PCDHGA5: variants seen among roughly 807,000 people sequenced by gnomAD.
PCDHGA5 encodes the protein protocadherin gamma subfamily A, 5.
A neutral mutation model predicts 56.7 loss-of-function variants in PCDHGA5; 36 were observed. The observed-to-expected ratio is 0.64, with a 90% CI of 0.49 to 0.84. PCDHGA5 has a LOEUF of 0.84. PCDHGA5 is among the 40% of genes least tolerant of loss of function. The pLI, the probability that PCDHGA5 is intolerant of heterozygous loss-of-function variation, is 0.00. For missense variants in PCDHGA5, 1,305 were observed against 1,201.5 expected, an observed-to-expected ratio of 1.09 and a Z score of -1.27; for synonymous variants, 563 against 520.2, an observed-to-expected ratio of 1.08 and a Z score of -1.12.
At chr5:141,446,767 G>A (rs891355909) in intron 1 of PCDHGA5, among the ~76,000 whole-genome samples, 12 of 152,118 alleles carry the variant, frequency 7.9e-5, no homozygotes, top group Non-Finnish European at 1.2e-4. Flanking sequence ...GCGCCCAGCC[G>A]GTTACCATTC....
intron 1 of PCDHGA5, chr5:141,417,543 C>T: frequency 6.5e-6 from 2 of 307,994 alleles, no homozygotes; most frequent in Non-Finnish European, 1.2e-5. Flanking sequence ...AAAAAAAATT[C>T]CTTGAAAGAG....
At chr5:141,389,069 T>A in intron 1 of PCDHGA5, 1 of 1,614,016 alleles carries the variant, frequency 6.2e-7, no homozygotes, top group Non-Finnish European at 8.5e-7. Flanking sequence ...TATTAACTTC[T>A]TCAAGAAACA....
In PCDHGA5 at chr5:141,487,743, G is replaced by C. The variant is rs1424889718; in HGVS notation, c.2422-7064G>C. The C allele has an allele frequency of 1.9e-6, 3 of 1,559,988 alleles. No homozygotes were observed. Among genetic ancestry groups the C allele is most frequent in the Non-Finnish European group, 2.6e-6 (3 of 1,150,774 alleles). ...AGTGATGTCACCATTTTTGTAAGAG[G>C]TAACTATGTGGTAGACGCTGTGCTT... On this transcript the variant is annotated intron_variant, in intron 1 of 3. Transcript: ENST00000518069. The surrounding 1 kb of genome is among the most constrained non-coding windows in gnomAD (Gnocchi z 5.0).
intron 3 of PCDHGA5, among the ~76,000 whole-genome samples, chr5:141,509,045 GC>G (rs1165443091): frequency 6.6e-6 from 1 of 152,060 alleles, no homozygotes; most frequent in Non-Finnish European, 1.5e-5. Context: ...CCTCTCCCCC[GC>G]CCCCAGAAAG....
Position 141,366,878 on chromosome 5 carries a change from AT to A in PCDHGA5, c.2421+135del, listed in dbSNP as rs994289295. On this transcript the variant is annotated intron_variant, in intron 1 of 3. Coordinates refer to ENST00000518069, the MANE Select transcript of PCDHGA5 (RefSeq NM_018918.3). ...ACATTATTTGCTGTATTGGAGATTA[AT>A]TTTTTTTATATAATTCATGCTTTCT... 7.2e-5 allele frequency: 96 copies of A among 1,341,212 alleles called. No homozygotes were observed. In the Middle Eastern group the frequency reaches 7.6e-4, roughly 11 times the overall value. 83.1% of individuals were successfully genotyped at this position (1,341,212 alleles called of 1,614,324 possible).
chr5:141,440,818 C>T (rs906112291), intron 1 of PCDHGA5: 2 of 152,124 alleles, frequency 1.3e-5, no homozygotes, highest in Non-Finnish European at 2.9e-5. Flanking sequence ...TCACTCAACT[C>T]CTGATCCTAT....
chr5:141,490,793 C>T lies in PCDHGA5; in HGVS notation c.2422-4014C>T, dbSNP rs2233608. 6 of 1,613,812 alleles carry T rather than the reference C, an allele frequency of 3.7e-6. No homozygotes were observed. The East Asian group carries it at 1.3e-4, about 36-fold the overall frequency. On this transcript the variant is annotated intron_variant, in intron 1 of 3. Transcript: ENST00000518069. This position sits in a 1 kb window ranked among gnomAD's most constrained non-coding sequence, Gnocchi z 5.4. Reference sequence around the variant, plus strand: ...AACCCAGAGGATGGACGGATCTTTGCCCAGCGTACCTTTGACTATGAATTG... The same window carrying T: ...AACCCAGAGGATGGACGGATCTTTGTCCAGCGTACCTTTGACTATGAATTG...
At chr5:141,407,985 A>C in intron 1 of PCDHGA5, 6 of 789,616 alleles carry the variant, frequency 7.6e-6, no homozygotes, top group Non-Finnish European at 1.1e-5. Flanking sequence ...GGGATCCGTC[A>C]GCCTCTGGCC....
At chr5:141,510,799 C>G in intron 3 of PCDHGA5, 148 bp from the exon 4 acceptor site, 1 of 1,481,460 alleles carries the variant, frequency 6.8e-7, no homozygotes. Context: ...TGAAGAGAGA[C>G]TACCTTGGTG....
intron 1 of PCDHGA5, among the ~76,000 whole-genome samples, chr5:141,465,130 AAG>A (rs1277023430): frequency 2.6e-5 from 4 of 151,968 alleles, no homozygotes; most frequent in Non-Finnish European, 5.9e-5. Flanking sequence ...AATTTGTAAA[AAG>A]TTTAGGGGAT....
Position 141,422,444 on chromosome 5 carries a change from T to TA in PCDHGA5, c.2421+55695dup, listed in dbSNP as rs1171104340. 1.9e-6 allele frequency: 3 copies of TA among 1,610,490 alleles called. No homozygotes were observed. The Admixed American group carries it at 5.1e-5, about 27-fold the overall frequency. ...ACTTATGGAAATTATTACAAATTGA[T>TA]AACAAGCAGAGTGCTGGACAGGGAG... On this transcript the variant is annotated intron_variant, in intron 1 of 3. Coordinates refer to ENST00000518069, the MANE Select transcript of PCDHGA5 (RefSeq NM_018918.3).
chr5:141,422,056 G>C lies in PCDHGA5; in HGVS notation c.2421+55305G>C, dbSNP rs1003977721. 1.2e-6 allele frequency: 2 copies of C among 1,611,816 alleles called. No individual in the cohort carries two copies. The highest frequency in any genetic ancestry group is 2.7e-5 in the African/African-American group (2 of 74,764). ...GGATCCAGACGAGGGAATCAACGGG[G>C]AAGTAATGTATTCATTTCGGAACAT... On this transcript the variant is annotated intron_variant, in intron 1 of 3. Transcript: ENST00000518069.
Position 141,365,265 on chromosome 5 carries a change from C to T in PCDHGA5, c.935C>T (p.Ser312Phe). ...CTACAATCACTGGACTATGAAGAAT[C>T]CAGATTCTACCTCATGGAAGTGGTA... The part of the protein sequence containing the change: ...STLQSLDYEE[S>F]RFYLMEVVAQ... The change falls in exon 1 of 4, where the codon TCC becomes TTC. Residue 312 changes from serine to phenylalanine, a missense_variant. Ser to Phe is a radical substitution (Grantham distance 155). Coordinates refer to ENST00000518069, the MANE Select transcript of PCDHGA5 (RefSeq NM_018918.3). 2 of 1,613,964 alleles carry T rather than the reference C, an allele frequency of 1.2e-6. No individual in the cohort carries two copies. Among genetic ancestry groups the T allele is most frequent in the African/African-American group, 1.3e-5 (1 of 75,042 alleles).
intron 1 of PCDHGA5, chr5:141,422,717 T>A: frequency 6.2e-7 from 1 of 1,604,832 alleles, no homozygotes; most frequent in Non-Finnish European, 8.5e-7. Flanking sequence ...GATGACACTG[T>A]CCAGGGGGTG....
chr5:141,442,164 C>A, intron 1 of PCDHGA5: 1 of 156,542 alleles, frequency 6.4e-6, no homozygotes, highest in Non-Finnish European at 1.4e-5. Context: ...GATCACTCTG[C>A]AAAGCTACAG....
At chr5:141,484,501 A>G (rs1185523120) in intron 1 of PCDHGA5, among the ~76,000 whole-genome samples, 2 of 152,232 alleles carry the variant, frequency 1.3e-5, no homozygotes, top group African/African-American at 4.8e-5. Flanking sequence ...GTTTCTGAAT[A>G]TTCTGCAGAA....
chr5:141,383,125 G>A (rs757654723), intron 1 of PCDHGA5: 6 of 1,614,062 alleles, frequency 3.7e-6, no homozygotes, highest in South Asian at 3.3e-5. Context: ...GCAGCTTTTC[G>A]CCCTGAACCA....
At chr5:141,428,019 G>C in intron 1 of PCDHGA5, 1 of 1,604,824 alleles carries the variant, frequency 6.2e-7, no homozygotes, top group Non-Finnish European at 8.5e-7. Flanking sequence ...AGTGCCACGC[G>C]CCGCAGAGTC....
chr5:141,419,443 C>T (rs1476796525), intron 1 of PCDHGA5: 2 of 1,613,080 alleles, frequency 1.2e-6, no homozygotes, highest in South Asian at 2.2e-5. Flanking sequence ...TGCGCACCTT[C>T]GAGCTCACGC....
Sources: gnomAD v4.1 joint callset for allele counts (sites outside exome capture counted in the v4.1 genomes callset) on GRCh38, gnomAD v4.1.1 for gene constraint, Gnocchi (gnomAD v3.1) non-coding constraint, MANE v1.5 for transcripts, NCBI Gene and HGNC (gene_info 2026-07-23, HGNC 2026-07-21) for gene names.